Variants in MEIOB observed in about 807,000 individuals in gnomAD.
MEIOB encodes the protein meiosis-specific with OB domain-containing protein.
A neutral mutation model predicts 53.1 loss-of-function variants in MEIOB; 50 were observed. The observed-to-expected ratio is 0.94, with a 90% CI of 0.75 to 1.19. The LOEUF (loss-of-function observed/expected upper bound fraction) is 1.19, where lower values mean the gene tolerates loss of function less well. MEIOB is among the 50% of genes most tolerant of loss of function. The probability of loss-of-function intolerance (pLI) is 0.00; values close to 1 mark genes in which losing one functional copy is unlikely to be tolerated. For missense variants in MEIOB, 551 were observed against 550.8 expected, an observed-to-expected ratio of 1.00 and a Z score of 0.00; for synonymous variants, 192 against 182.5, an observed-to-expected ratio of 1.05 and a Z score of -0.42.
chr16:1,858,144 G>T (rs923773017), intron 5 of MEIOB, among the ~76,000 whole-genome samples: 6 of 152,112 alleles, frequency 3.9e-5, no homozygotes, highest in Admixed American at 6.5e-5. Context: ...TCGTGTCGGG[G>T]TTCTAAACAT....
Position 1,853,133 on chromosome 16 carries a change from T to C in MEIOB, c.684A>G (p.Val228=). 1 of 1,609,144 alleles carries C rather than the reference T, an allele frequency of 6.2e-7. No individual in the cohort carries two copies. The highest frequency in any genetic ancestry group is 1.1e-5 in the South Asian group (1 of 90,742). The change falls in exon 9 of 14, where the codon GTA becomes GTG. Residue 228 remains valine (V), a splice_region_variant and synonymous_variant. Transcript: ENST00000325962. ...LAQSWMPRET[V]IFASDVRINF... is the part of the protein sequence containing the mutation. ...TTATTCTTACATCTGAGGCAAATAT[T>C]ACTGTTTGGGAAAAAAGCCATTTAA...
intron 1 of MEIOB, 72 bp from the exon 2 acceptor site, chr16:1,868,256 A>C (rs1268557444): frequency 1.1e-6 from 1 of 900,720 alleles, no homozygotes; most frequent in East Asian, 2.8e-5. Flanking sequence ...AAATTCCAAG[A>C]GTTTAAAATC....
intron 13 of MEIOB, among the ~76,000 whole-genome samples, chr16:1,836,270 A>G (rs1161869996): frequency 6.6e-6 from 1 of 152,200 alleles, no homozygotes; most frequent in Non-Finnish European, 1.5e-5. Flanking sequence ...GTCCATAATT[A>G]TGAATATTTG....
intron 5 of MEIOB, among the ~76,000 whole-genome samples, chr16:1,859,317 G>A (rs914080653): frequency 1.1e-4 from 17 of 152,094 alleles, no homozygotes; most frequent in African/African-American, 3.6e-4. Flanking sequence ...CGAGGCGGGC[G>A]GATCACTTGA....
intron 7 of MEIOB, 43 bp from the exon 8 acceptor site, chr16:1,853,314 G>A: frequency 7.4e-7 from 1 of 1,357,820 alleles, no homozygotes; most frequent in Non-Finnish European, 1.0e-6. Context: ...GAATACACTA[G>A]AAAAAACTGA....
chr16:1,871,504 C>A (rs545138292), intron 1 of MEIOB, among the ~76,000 whole-genome samples: 13 of 139,508 alleles, frequency 9.3e-5, no homozygotes, highest in African/African-American at 3.5e-4. Flanking sequence ...CAGGCTTGAG[C>A]CACCGCGCCC....
rs138487771 is a variant in MEIOB, at chr16:1,856,924, C to T, written c.528+811G>A. 2.9e-3 allele frequency among the ~76,000 whole-genome samples: 431 copies of T among 150,268 alleles called. 1 individual carries two copies. The highest frequency in any genetic ancestry group is 0.012 in the East Asian group (59 of 5,076). On this transcript the variant is annotated intron_variant, in intron 6 of 13. Transcript: ENST00000325962. The stretch of plus-strand genomic sequence containing the variant: ...GATTACAGGTACACACCACCACATC[C>T]GGCTAATTTTTGTATTTTTTGTAGA...
At chr16:1,834,435 A>T (rs529183883) in intron 13 of MEIOB, 69 bp from the exon 14 acceptor site, 49 of 828,294 alleles carry the variant, frequency 5.9e-5, no homozygotes, top group Non-Finnish European at 9.6e-5. Flanking sequence ...CAAGTTGAAA[A>T]ATCAATGATC....
chr16:1,835,855 C>G (rs1018825226), intron 13 of MEIOB, among the ~76,000 whole-genome samples: 1 of 138,400 alleles, frequency 7.2e-6, no homozygotes, highest in Non-Finnish European at 1.5e-5. Context: ...TCTTCCAATT[C>G]CTTTTTCTTT....
chr16:1,843,895 G>A (rs1275049754), intron 10 of MEIOB, among the ~76,000 whole-genome samples: 1 of 152,020 alleles, frequency 6.6e-6, no homozygotes, highest in African/African-American at 2.4e-5. Context: ...AAACTTTTAT[G>A]AGAACTTATC....
At chr16:1,867,742 G>A (rs1596987303) in intron 2 of MEIOB, among the ~76,000 whole-genome samples, 1 of 152,026 alleles carries the variant, frequency 6.6e-6, no homozygotes, top group South Asian at 2.1e-4. Context: ...AAAGTGCTGG[G>A]ATTACAGACA....
chr16:1,854,265 G>T, intron 6 of MEIOB, 65 bp from the exon 7 acceptor site: 1 of 931,452 alleles, frequency 1.1e-6, no homozygotes, highest in Non-Finnish European at 1.7e-6. Context: ...ATTTGTTGAT[G>T]AAAATACTCA....
At chr16:1,851,653 A>C (rs1192184601) in intron 9 of MEIOB, among the ~76,000 whole-genome samples, 1 of 152,296 alleles carries the variant, frequency 6.6e-6, no homozygotes, top group Non-Finnish European at 1.5e-5. Flanking sequence ...TTGGATGTGC[A>C]AGATTCAGAG....
chr16:1,848,113 A>ATTT (rs61352250), intron 9 of MEIOB, among the ~76,000 whole-genome samples: 6 of 150,664 alleles, frequency 4.0e-5, no homozygotes, highest in South Asian at 4.2e-4. Context: ...ATGCCCAGCT[A>ATTT]TTTTTTTTTA....
chr16:1,859,603 C>T (rs559343974), intron 5 of MEIOB, among the ~76,000 whole-genome samples: 1 of 152,034 alleles, frequency 6.6e-6, no homozygotes, highest in Non-Finnish European at 1.5e-5. Context: ...AATGAGTTCA[C>T]GGTGTTCATG....
chr16:1,838,865 T>A (rs566881452), intron 12 of MEIOB, among the ~76,000 whole-genome samples: 2 of 152,290 alleles, frequency 1.3e-5, no homozygotes, highest in East Asian at 3.9e-4. Flanking sequence ...CTAATTTTTG[T>A]ATTTTTAGTA....
chr16:1,851,371 T>C (rs576068993), intron 9 of MEIOB, among the ~76,000 whole-genome samples: 1 of 152,338 alleles, frequency 6.6e-6, no homozygotes, highest in East Asian at 1.9e-4. Context: ...CCGACCACCT[T>C]GTGGCTCTCT....
intron 3 of MEIOB, among the ~76,000 whole-genome samples, chr16:1,862,901 G>A (rs548669864): frequency 1.2e-3 from 181 of 151,838 alleles, no homozygotes; most frequent in South Asian, 5.4e-3. Flanking sequence ...AAAAACTCTT[G>A]TCTCAAAAAT....
At position 1,834,370 on chromosome 16, in the gene MEIOB, C is replaced by T. The variant is rs774375465; in HGVS notation, c.1306-4G>A. On this transcript the variant is annotated splice_polypyrimidine_tract_variant and splice_region_variant and intron_variant, in intron 13 of 13. Transcript: ENST00000325962. Reference sequence around the variant, plus strand: ...TTGCTCTGTGTGATAGAACGAACTGCGAGGAGAAACAGAAAAAGAGACAAA... The same window carrying T: ...TTGCTCTGTGTGATAGAACGAACTGTGAGGAGAAACAGAAAAAGAGACAAA... 10 of 1,485,326 alleles carry T rather than the reference C, an allele frequency of 6.7e-6. No individual in the cohort carries two copies. Among genetic ancestry groups the T allele is most frequent in the East Asian group, 4.5e-5 (2 of 43,978 alleles). The allele number at this position is 1,485,326 out of a possible 1,614,324, so 92.0% of individuals were successfully genotyped here.
Sources: gnomAD v4.1 joint callset for allele counts (sites outside exome capture counted in the v4.1 genomes callset) on GRCh38, gnomAD v4.1.1 for gene constraint, MANE v1.5 for transcripts, NCBI Gene and HGNC (gene_info 2026-07-23, HGNC 2026-07-21) for gene names.